The following SLIT2 variants were observed in gnomAD, a reference collection of about 807,000 sequenced individuals.
The protein encoded by SLIT2 is slit homolog 2 protein.
Under a neutral mutation model 185.7 loss-of-function variants are expected in SLIT2, and 41 were observed. The ratio of observed to expected loss-of-function variants is 0.22; its 90% CI spans 0.17 to 0.29. The LOEUF is 0.29. SLIT2 is among the 10% of genes least tolerant of loss of function. SLIT2 has a pLI of 1.00. For synonymous variants in SLIT2, 693 were observed against 680.2 expected (o/e 1.02, Z -0.29); for missense variants, 1,571 against 1,909.0 (o/e 0.82, Z 3.30).
intron 7 of SLIT2, among the ~76,000 whole-genome samples, chr4:20,486,546 ATGGAAGACTCCTTGAT>A (rs1717260674): frequency 6.6e-6 from 1 of 152,182 alleles, no homozygotes; most frequent in Non-Finnish European, 1.5e-5. Context: ...TCATTAAGAA[ATGGAAGACTCCTTGAT>A]TGGCTGTCAG....
chr4:20,372,474 A>G (rs1032742628), intron 4 of SLIT2, among the ~76,000 whole-genome samples: 3 of 151,996 alleles, frequency 2.0e-5, no homozygotes, highest in Admixed American at 6.6e-5. Flanking sequence ...AAAAGAAATG[A>G]TTTTATATTA....
At chr4:20,284,390 G>C (rs1221751692) in intron 4 of SLIT2, among the ~76,000 whole-genome samples, 1 of 152,178 alleles carries the variant, frequency 6.6e-6, no homozygotes, top group African/African-American at 2.4e-5. Flanking sequence ...TATACATTCT[G>C]TGAGGGTTTG....
At chr4:20,460,302 A>G (rs980703027) in intron 4 of SLIT2, among the ~76,000 whole-genome samples, 1 of 152,176 alleles carries the variant, frequency 6.6e-6, no homozygotes, top group South Asian at 2.1e-4. Context: ...CAGGAGAGAA[A>G]GTTATTTAGG....
At chr4:20,523,391 G>T (rs1721007036) in intron 12 of SLIT2, among the ~76,000 whole-genome samples, 1 of 148,062 alleles carries the variant, frequency 6.8e-6, no homozygotes, top group African/African-American at 2.5e-5. Flanking sequence ...AACTACTTTT[G>T]CACAGAGTGT....
rs140899298 is a variant in SLIT2 at position 20,348,889 on chromosome 4, C to T, written c.395+80008C>T. ...GAAATCCCAGTGAGAAGCCTCATTG[C>T]ATTTGTTCCAGTTAAGTCATATGGC... On this transcript the variant is annotated intron_variant, in intron 4 of 36. Transcript: ENST00000504154. 1.3e-3 allele frequency among the ~76,000 whole-genome samples: 205 copies of T among 152,286 alleles called. 1 individual carries two copies. The highest frequency in any genetic ancestry group is 4.8e-3 in the African/African-American group (200 of 41,564).
At chr4:20,384,501 C>T (rs1028180393) in intron 4 of SLIT2, among the ~76,000 whole-genome samples, 1 of 151,910 alleles carries the variant, frequency 6.6e-6, no homozygotes, top group African/African-American at 2.4e-5. Flanking sequence ...TAAATTATAC[C>T]GCAGGAAAAC....
At chr4:20,265,000 G>A (rs1357780870) in intron 3 of SLIT2, among the ~76,000 whole-genome samples, 3 of 151,880 alleles carry the variant, frequency 2.0e-5, no homozygotes, top group African/African-American at 7.3e-5. Context: ...CACCTGGTCT[G>A]TTTAACAAAG....
intron 4 of SLIT2, among the ~76,000 whole-genome samples, chr4:20,466,176 G>A (rs543596549): frequency 6.6e-6 from 1 of 151,820 alleles, no homozygotes; most frequent in Non-Finnish European, 1.5e-5. Context: ...TTGTTCTGTA[G>A]CCTTCTCTGA....
At chr4:20,602,977 C>T (rs972065661) in intron 33 of SLIT2, among the ~76,000 whole-genome samples, 8 of 151,980 alleles carry the variant, frequency 5.3e-5, no homozygotes, top group African/African-American at 1.2e-4. Flanking sequence ...ATATGGCGCA[C>T]GGGCCTAATA....
At chr4:20,356,649 A>G (rs1365556444) in intron 4 of SLIT2, among the ~76,000 whole-genome samples, 2 of 152,226 alleles carry the variant, frequency 1.3e-5, no homozygotes. Context: ...GCTCATATTT[A>G]GACTTTTTGT....
chr4:20,452,554 T>A (rs1425279861), intron 4 of SLIT2, among the ~76,000 whole-genome samples: 1 of 152,184 alleles, frequency 6.6e-6, no homozygotes, highest in African/African-American at 2.4e-5. Flanking sequence ...CTATCTTTTT[T>A]CCTCTTATTC....
intron 4 of SLIT2, among the ~76,000 whole-genome samples, chr4:20,383,260 CA>C (rs1724673988): frequency 6.6e-6 from 1 of 151,964 alleles, no homozygotes; most frequent in Non-Finnish European, 1.5e-5. Context: ...TCGTCCTCTC[CA>C]AAAGACACAG....
chr4:20,265,517 G>T (rs1030289277), intron 3 of SLIT2, among the ~76,000 whole-genome samples: 1 of 151,826 alleles, frequency 6.6e-6, no homozygotes, highest in African/African-American at 2.4e-5. Flanking sequence ...TGTCCTTTTT[G>T]TGCAATACCA....
chr4:20,397,444 C>T (rs1407044841), intron 4 of SLIT2, among the ~76,000 whole-genome samples: 1 of 151,774 alleles, frequency 6.6e-6, no homozygotes, highest in East Asian at 1.9e-4. Flanking sequence ...CTTCTCAAAG[C>T]TGATTATCTA....
chr4:20,474,006 G>T (rs1415322118), intron 5 of SLIT2, among the ~76,000 whole-genome samples: 1 of 151,760 alleles, frequency 6.6e-6, no homozygotes, highest in East Asian at 1.9e-4. Flanking sequence ...CTCTTTCCTA[G>T]AGTATTTTCA....
chr4:20,427,127 A>T (rs1188371336), intron 4 of SLIT2, among the ~76,000 whole-genome samples: 1 of 152,192 alleles, frequency 6.6e-6, no homozygotes, highest in Non-Finnish European at 1.5e-5. Flanking sequence ...AAAGGCAAAG[A>T]CAGGCTTAAA....
intron 4 of SLIT2, among the ~76,000 whole-genome samples, chr4:20,350,249 T>C (rs1032481829): frequency 1.3e-5 from 2 of 152,020 alleles, no homozygotes; most frequent in African/African-American, 4.8e-5. Flanking sequence ...ATTAAATAAG[T>C]CGATATAGTA....
chr4:20,442,004 G>A (rs1252256946), intron 4 of SLIT2, among the ~76,000 whole-genome samples: 1 of 152,046 alleles, frequency 6.6e-6, no homozygotes, highest in African/African-American at 2.4e-5. Flanking sequence ...TTTAATCAAG[G>A]TATGAATAGA....
intron 3 of SLIT2, among the ~76,000 whole-genome samples, chr4:20,263,032 C>A (rs1283670293): frequency 6.6e-6 from 1 of 151,782 alleles, no homozygotes; most frequent in Non-Finnish European, 1.5e-5. Flanking sequence ...TATACCTCCC[C>A]TGAAATGAGT....
Sources: allele counts gnomAD v4.1 joint callset (sites outside exome capture counted in the v4.1 genomes callset), GRCh38; gene constraint gnomAD v4.1.1; transcripts MANE v1.5; gene names NCBI Gene and HGNC (gene_info 2026-07-23, HGNC 2026-07-21).